The following RANBP2 variants were observed in gnomAD, a reference collection of about 807,000 sequenced individuals.
RANBP2 encodes RAN binding protein 2.
A neutral mutation model predicts 303.6 loss-of-function variants in RANBP2; 57 were observed. That is an observed-to-expected ratio of 0.19 (90% confidence interval 0.15 to 0.23). RANBP2 has a LOEUF of 0.23. RANBP2 is among the 10% of genes least tolerant of loss of function. RANBP2 has a pLI of 1.00. For synonymous variants in RANBP2, 1,167 were observed against 1,301.5 expected (o/e 0.90, Z 2.23); for missense variants, 3,138 against 3,780.8 (o/e 0.83, Z 4.46).
chr2:109,152,117 C>G, the RANBP2 span, among the ~76,000 whole-genome samples: 2 of 152,222 alleles, frequency 1.3e-5, no homozygotes, highest in Admixed American at 6.5e-5. Flanking sequence ...TTCTCCTAGC[C>G]TCTTTTTGGA....
the RANBP2 span, among the ~76,000 whole-genome samples, chr2:109,551,745 CTGTAAG>C: frequency 6.6e-6 from 1 of 152,204 alleles, no homozygotes; most frequent in Non-Finnish European, 1.5e-5. Flanking sequence ...ATAGCAAGTA[CTGTAAG>C]TGTATTTGAA....
chr2:109,616,037 A>G, the RANBP2 span: 1 of 1,515,830 alleles, frequency 6.6e-7, no homozygotes, highest in Non-Finnish European at 8.8e-7. Context: ...CGCCCTTCAC[A>G]TTGAGACCAA....
Position 108,719,636 on chromosome 2 carries a change from G to C in RANBP2, c.30G>C (p.Arg10=). 1 of 1,608,242 alleles carries C rather than the reference G, an allele frequency of 6.2e-7. No homozygotes were observed. Among genetic ancestry groups the C allele is most frequent in the Non-Finnish European group, 8.5e-7 (1 of 1,178,424 alleles). ...GGCGCAGCAAGGCTGACGTGGAGCG[G>C]TACATCGCCTCGGTGCAGGGCTCCA... MRRSKADVE[R]YIASVQGSTP... The change falls in exon 1 of 29, where the codon CGG becomes CGC. Residue 10 remains arginine, a synonymous_variant. Coordinates refer to ENST00000283195, the MANE Select transcript of RANBP2 (RefSeq NM_006267.5).
chr2:109,182,473 A>G, the RANBP2 span, among the ~76,000 whole-genome samples: 2 of 152,214 alleles, frequency 1.3e-5, no homozygotes, highest in South Asian at 4.1e-4. Flanking sequence ...CTCAAACTAT[A>G]GTGTCCCAGA....
chr2:109,394,021 G>T, the RANBP2 span, among the ~76,000 whole-genome samples: 2 of 152,268 alleles, frequency 1.3e-5, no homozygotes, highest in African/African-American at 2.4e-5. Context: ...ATGGCTCCAG[G>T]AGCTGCGGGG....
At chr2:109,743,236 A>G in the RANBP2 span, among the ~76,000 whole-genome samples, 1 of 148,824 alleles carries the variant, frequency 6.7e-6, no homozygotes, top group African/African-American at 2.5e-5. Context: ...GCATCACTGC[A>G]CTACAGCCTG....
chr2:109,276,596 T>A, the RANBP2 span, among the ~76,000 whole-genome samples: 1 of 152,220 alleles, frequency 6.6e-6, no homozygotes, highest in Admixed American at 6.5e-5. Flanking sequence ...TGAAACTAAA[T>A]GGCATGCTTA....
the RANBP2 span, among the ~76,000 whole-genome samples, chr2:109,240,732 G>A: frequency 6.6e-6 from 1 of 151,968 alleles, no homozygotes; most frequent in Non-Finnish European, 1.5e-5. Flanking sequence ...GCACCCTTCT[G>A]TTTCCTTCTG....
the RANBP2 span, among the ~76,000 whole-genome samples, chr2:108,886,090 A>G: frequency 6.6e-6 from 1 of 152,162 alleles, no homozygotes; most frequent in African/African-American, 2.4e-5. Flanking sequence ...ATATATCAGT[A>G]TATCATATTG....
the RANBP2 span, chr2:108,929,064 G>C: frequency 1.9e-6 from 2 of 1,048,860 alleles, no homozygotes; most frequent in Admixed American, 4.0e-5. Flanking sequence ...TTGTGGGATG[G>C]GACCAAGGCC....
the RANBP2 span, among the ~76,000 whole-genome samples, chr2:109,262,543 G>C: frequency 1.3e-5 from 2 of 152,124 alleles, no homozygotes; most frequent in Non-Finnish European, 2.9e-5. Flanking sequence ...ATCCTTCAAA[G>C]GTTTTCTTGT....
At chr2:109,103,144 A>G in the RANBP2 span, among the ~76,000 whole-genome samples, 1 of 152,292 alleles carries the variant, frequency 6.6e-6, no homozygotes, top group African/African-American at 2.4e-5. Context: ...CCCTGGTGGG[A>G]GGAAAAAACA....
rs114988570 is a variant in RANBP2 at position 108,744,903 on chromosome 2, A to T, written c.976-1808A>T. On this transcript the variant is annotated intron_variant, in intron 7 of 28. Transcript: ENST00000283195. Reference sequence around the variant, plus strand: ...TATGCATCTCCAAGTAAACACATATATATCTCCTGTCTTTAAAAGAAGGAG... The same window carrying T: ...TATGCATCTCCAAGTAAACACATATTTATCTCCTGTCTTTAAAAGAAGGAG... Among the ~76,000 whole-genome samples the T allele has an allele frequency of 5.9e-5, 9 of 152,218 alleles. 1 individual carries two copies. Among genetic ancestry groups the T allele is most frequent in the African/African-American group, 2.2e-4 (9 of 41,444 alleles).
chr2:109,490,802 G>T, the RANBP2 span: 2 of 1,536,898 alleles, frequency 1.3e-6, no homozygotes, highest in Non-Finnish European at 1.7e-6. Context: ...AGAGCGAGAT[G>T]CAGGGTGCCA....
the RANBP2 span, among the ~76,000 whole-genome samples, chr2:109,322,058 A>G: frequency 6.6e-6 from 1 of 152,312 alleles, no homozygotes; most frequent in East Asian, 1.9e-4. Flanking sequence ...TGGAAGGCAC[A>G]GCAAGGAGCG....
chr2:109,747,520 G>A, the RANBP2 span, among the ~76,000 whole-genome samples: 3 of 148,378 alleles, frequency 2.0e-5, no homozygotes, highest in South Asian at 2.2e-4. Flanking sequence ...TTGCGGGGCC[G>A]AGGTGGGCAG....
the RANBP2 span, among the ~76,000 whole-genome samples, chr2:108,954,950 C>T: frequency 6.6e-6 from 1 of 152,148 alleles, no homozygotes; most frequent in Non-Finnish European, 1.5e-5. Context: ...TCCCAAAGTG[C>T]TGGGATTACA....
At chr2:108,983,213 TATC>T in the RANBP2 span, among the ~76,000 whole-genome samples, 5 of 152,204 alleles carry the variant, frequency 3.3e-5, no homozygotes, top group Non-Finnish European at 5.9e-5. Context: ...CACTCTGATT[TATC>T]TTCTTCATTA....
At chr2:109,693,254 T>C in the RANBP2 span, among the ~76,000 whole-genome samples, 67 of 152,280 alleles carry the variant, frequency 4.4e-4, no homozygotes, top group Non-Finnish European at 8.2e-4. Context: ...CTCAGTTCAC[T>C]GCAACCTCCT....
Sources: allele counts gnomAD v4.1 joint callset (sites outside exome capture counted in the v4.1 genomes callset), GRCh38; gene constraint gnomAD v4.1.1; transcripts MANE v1.5; gene names NCBI Gene and HGNC (gene_info 2026-07-23, HGNC 2026-07-21).